The following DACH1 variants were observed in gnomAD, a reference collection of about 807,000 sequenced individuals.
DACH1 encodes dachshund family transcription factor 1, also known as dachshund homolog 1.
DACH1 carries 12 observed loss-of-function variants against 54.2 expected under a neutral mutation model. The observed-to-expected ratio is 0.22, with a 90% CI of 0.14 to 0.36. DACH1 has a LOEUF of 0.36. Ranked by LOEUF, DACH1 falls within the 10% of genes least tolerant of loss-of-function variation. DACH1 has a pLI of 1.00. For synonymous variants in DACH1, 386 were observed against 366.2 expected (o/e 1.05, Z -0.62); for missense variants, 805 against 929.8 (o/e 0.87, Z 1.75).
chr13:71,638,247 G>A (rs1877633351), intron 2 of DACH1, among the ~76,000 whole-genome samples: 1 of 152,102 alleles, frequency 6.6e-6, no homozygotes, highest in Admixed American at 6.6e-5. Flanking sequence ...GAGACAGGCG[G>A]CTTATAAATA....
At chr13:71,780,755 G>A (rs1212702111) in intron 1 of DACH1, among the ~76,000 whole-genome samples, 1 of 151,930 alleles carries the variant, frequency 6.6e-6, no homozygotes, top group Non-Finnish European at 1.5e-5. Context: ...CTATAAAAGT[G>A]AAATCACTTT....
intron 3 of DACH1, among the ~76,000 whole-genome samples, chr13:71,611,852 A>G (rs1259785827): frequency 6.6e-6 from 1 of 152,158 alleles, no homozygotes; most frequent in Non-Finnish European, 1.5e-5. Context: ...TATTATTCAT[A>G]AAATTCCCAA....
intron 1 of DACH1, among the ~76,000 whole-genome samples, chr13:71,746,003 A>G (rs1015936363): frequency 2.6e-5 from 4 of 152,224 alleles, no homozygotes; most frequent in African/African-American, 9.6e-5. Context: ...GTGGATCACG[A>G]GGTCAAGAGA....
chr13:71,691,980 C>T (rs1881498624), intron 1 of DACH1, among the ~76,000 whole-genome samples: 1 of 146,646 alleles, frequency 6.8e-6, no homozygotes, highest in Non-Finnish European at 1.5e-5. Flanking sequence ...TGCTAAGTAA[C>T]GAAACAGCCA....
intron 10 of DACH1, among the ~76,000 whole-genome samples, chr13:71,473,523 T>C (rs1365842691): frequency 6.6e-6 from 1 of 152,212 alleles, no homozygotes; most frequent in Non-Finnish European, 1.5e-5. Flanking sequence ...TTTGAACATA[T>C]GTAAATTTGA....
chr13:71,818,751 G>T (rs1888063890), intron 1 of DACH1, among the ~76,000 whole-genome samples: 2 of 152,188 alleles, frequency 1.3e-5, no homozygotes, highest in Non-Finnish European at 1.5e-5. Flanking sequence ...GTAAATACAG[G>T]CATTAGTTGA....
intron 1 of DACH1, among the ~76,000 whole-genome samples, chr13:71,806,265 G>A (rs1427923198): frequency 6.6e-6 from 1 of 152,122 alleles, no homozygotes; most frequent in African/African-American, 2.4e-5. Context: ...AAATTTCCCA[G>A]GTGTTTAGCT....
At chr13:71,612,619 C>G (rs1239837197) in intron 3 of DACH1, among the ~76,000 whole-genome samples, 2 of 152,132 alleles carry the variant, frequency 1.3e-5, no homozygotes, top group Non-Finnish European at 2.9e-5. Flanking sequence ...CTCTGGGATT[C>G]AAGTTACTCA....
chr13:71,680,986 T>A lies in DACH1; in HGVS notation c.964+809A>T, dbSNP rs77115919. Among the ~76,000 whole-genome samples the A allele has an allele frequency of 4.6e-3, 695 of 152,098 alleles. 4 individuals are homozygous for A. Among genetic ancestry groups the A allele is most frequent in the East Asian group, 0.024 (126 of 5,184 alleles). On this transcript the variant is annotated intron_variant, in intron 2 of 10. Coordinates refer to ENST00000613252, the MANE Select transcript of DACH1 (RefSeq NM_080759.6). The stretch of plus-strand genomic sequence containing the variant: ...GCTGTATTATAATACATGACATTTA[T>A]ATGTTCCTATGTATATTTCCTTAAT...
rs533595327 is a variant in DACH1 at position 71,751,700 on chromosome 13, C to T, written c.849-69790G>A. 8.5e-5 allele frequency among the ~76,000 whole-genome samples: 13 copies of T among 152,130 alleles called. No individual in the cohort carries two copies. In the South Asian group the frequency reaches 2.1e-3, roughly 24 times the overall value. On this transcript the variant is annotated intron_variant, in intron 1 of 10. Coordinates refer to ENST00000613252, the MANE Select transcript of DACH1 (RefSeq NM_080759.6). ...ATGAAAGTAAAAAGTAAAAAACTAA[C>T]AATTTTAAATAATAGAAAAATATGT... is the stretch of plus-strand genomic sequence containing the variant.
chr13:71,751,704 T>G (rs1439526837), intron 1 of DACH1, among the ~76,000 whole-genome samples: 1 of 152,078 alleles, frequency 6.6e-6, no homozygotes, highest in Non-Finnish European at 1.5e-5. Context: ...AACTAACAAT[T>G]TTAAATAATA....
chr13:71,552,291 C>A (rs1465372630), intron 6 of DACH1, among the ~76,000 whole-genome samples: 3 of 151,870 alleles, frequency 2.0e-5, no homozygotes, highest in African/African-American at 7.3e-5. Flanking sequence ...TAATCCAAGA[C>A]CAAAATACAA....
intron 1 of DACH1, among the ~76,000 whole-genome samples, chr13:71,789,074 A>G (rs1372073984): frequency 1.3e-5 from 2 of 152,190 alleles, no homozygotes; most frequent in African/African-American, 4.8e-5. Context: ...ATCAGTCTGT[A>G]TTCAGTTCAC....
intron 3 of DACH1, among the ~76,000 whole-genome samples, chr13:71,590,940 G>A (rs1432318500): frequency 7.1e-5 from 10 of 141,420 alleles, no homozygotes; most frequent in Admixed American, 3.0e-4. Context: ...GTGCAGGGGC[G>A]CCATCTCAGG....
chr13:71,848,693 A>C (rs1873458808), intron 1 of DACH1, among the ~76,000 whole-genome samples: 1 of 151,972 alleles, frequency 6.6e-6, no homozygotes, highest in Non-Finnish European at 1.5e-5. Flanking sequence ...AATTAAAAAA[A>C]ATTTTTTTGT....
At chr13:71,445,458 TA>T (rs1017979523) in intron 10 of DACH1, among the ~76,000 whole-genome samples, 1 of 152,162 alleles carries the variant, frequency 6.6e-6, no homozygotes, top group Admixed American at 6.5e-5. Context: ...CTAATGTTCC[TA>T]ACAGATGGAC....
chr13:71,475,936 T>C, intron 8 of DACH1, 87 bp from the exon 9 acceptor site: 1 of 1,045,344 alleles, frequency 9.6e-7, no homozygotes, highest in East Asian at 3.0e-5. Flanking sequence ...TTTTTTATAT[T>C]ATTCATTTTG....
chr13:71,830,899 A>T (rs1289211956), intron 1 of DACH1, among the ~76,000 whole-genome samples: 1 of 151,918 alleles, frequency 6.6e-6, no homozygotes, highest in Non-Finnish European at 1.5e-5. Context: ...AATCAAATTC[A>T]GTCAATAGCC....
chr13:71,781,122 G>A lies in DACH1; in HGVS notation c.848+84800C>T, dbSNP rs113573181. Among the ~76,000 whole-genome samples the A allele has an allele frequency of 7.9e-3, 1,196 of 151,982 alleles. 19 individuals carry two copies. The highest frequency in any genetic ancestry group is 0.027 in the African/African-American group (1,134 of 41,490). ...TGCACTCCAGCCTGGGTGACAGAGC[G>A]AGATTTTGTTATGGTAAGTTTGAAA... is the stretch of plus-strand genomic sequence containing the variant. On this transcript the variant is annotated intron_variant, in intron 1 of 10. Transcript: ENST00000613252.
Sources: allele counts gnomAD v4.1 joint callset (sites outside exome capture counted in the v4.1 genomes callset), GRCh38; gene constraint gnomAD v4.1.1; transcripts MANE v1.5; gene names NCBI Gene and HGNC (gene_info 2026-07-23, HGNC 2026-07-21).